GLG1: variants seen among roughly 807,000 people sequenced by gnomAD.
GLG1 encodes the protein Golgi apparatus protein 1.
A neutral mutation model predicts 160.5 loss-of-function variants in GLG1; 38 were observed. That is an observed-to-expected ratio of 0.24 (90% confidence interval 0.18 to 0.31). The LOEUF (loss-of-function observed/expected upper bound fraction) is 0.31, where lower values mean the gene tolerates loss of function less well. Among genes scored for constraint, GLG1 ranks in the 10% least tolerant of loss-of-function variants. The pLI, the probability that GLG1 is intolerant of heterozygous loss-of-function variation, is 1.00. For missense variants in GLG1, 1,373 were observed against 1,505.2 expected, an observed-to-expected ratio of 0.91 and a Z score of 1.45; for synonymous variants, 644 against 543.4, an observed-to-expected ratio of 1.19 and a Z score of -2.57.
chr16:74,524,790 T>C (rs2017285123), intron 2 of GLG1, among the ~76,000 whole-genome samples: 1 of 152,182 alleles, frequency 6.6e-6, no homozygotes, highest in African/African-American at 2.4e-5. Context: ...TCAGAGGTTA[T>C]GGTTGTACAA....
chr16:74,595,915 G>A (rs963460471), intron 1 of GLG1, among the ~76,000 whole-genome samples: 2 of 152,108 alleles, frequency 1.3e-5, no homozygotes, highest in African/African-American at 2.4e-5. Flanking sequence ...CCTGAGGTCA[G>A]GAGTTCGAGA....
At chr16:74,577,737 A>C (rs1250963331) in intron 1 of GLG1, among the ~76,000 whole-genome samples, 1 of 152,002 alleles carries the variant, frequency 6.6e-6, no homozygotes, top group Non-Finnish European at 1.5e-5. Flanking sequence ...CAGCCTCCTG[A>C]GTAACTGGGA....
intron 1 of GLG1, among the ~76,000 whole-genome samples, chr16:74,585,423 G>A (rs1023320358): frequency 6.6e-6 from 1 of 151,712 alleles, no homozygotes; most frequent in Non-Finnish European, 1.5e-5. Context: ...AAACAAAAAA[G>A]AGGCCGGGCC....
intron 21 of GLG1, 76 bp from the exon 22 acceptor site, chr16:74,462,271 A>C (rs979190808): frequency 6.6e-5 from 57 of 863,316 alleles, no homozygotes; most frequent in South Asian, 1.8e-4. Flanking sequence ...CATGAAAAAA[A>C]AAACAAACAA....
intron 2 of GLG1, among the ~76,000 whole-genome samples, chr16:74,518,373 T>C (rs530162432): frequency 1.1e-4 from 16 of 152,238 alleles, no homozygotes; most frequent in African/African-American, 3.9e-4. Flanking sequence ...TGGAACAGAA[T>C]GGAGTCCTCA....
intron 1 of GLG1, among the ~76,000 whole-genome samples, chr16:74,538,708 G>A (rs2017750928): frequency 6.8e-6 from 1 of 147,176 alleles, no homozygotes; most frequent in Non-Finnish European, 1.5e-5. Flanking sequence ...TACTGTACAG[G>A]TCCAACGGGA....
intron 11 of GLG1, among the ~76,000 whole-genome samples, chr16:74,479,140 A>G (rs1240602507): frequency 7.5e-6 from 1 of 132,564 alleles, no homozygotes; most frequent in African/African-American, 2.9e-5. Context: ...CAGGAGAATC[A>G]CTTGAGCCAG....
chr16:74,489,501 C>T (rs1412751934), intron 8 of GLG1, among the ~76,000 whole-genome samples: 3 of 151,924 alleles, frequency 2.0e-5, no homozygotes, highest in East Asian at 1.9e-4. Context: ...TCATTCCTAA[C>T]CCCCGCCACA....
chr16:74,593,335 T>C (rs1473793803), intron 1 of GLG1, among the ~76,000 whole-genome samples: 2 of 152,078 alleles, frequency 1.3e-5, no homozygotes, highest in Non-Finnish European at 2.9e-5. Flanking sequence ...ATTACAGAGC[T>C]GATATGGCCA....
At chr16:74,459,824 C>G (rs753734450) in intron 22 of GLG1, 35 bp from the exon 23 acceptor site, 1 of 1,045,644 alleles carries the variant, frequency 9.6e-7, no homozygotes, top group Admixed American at 2.2e-5. Flanking sequence ...AGCTACCCCA[C>G]TGAGCACAGA....
At chr16:74,515,699 T>C (rs1848680543) in intron 2 of GLG1, among the ~76,000 whole-genome samples, 1 of 151,816 alleles carries the variant, frequency 6.6e-6, no homozygotes, top group Non-Finnish European at 1.5e-5. Flanking sequence ...ACTTAAAGTA[T>C]AATTTTAAAA....
At chr16:74,566,359 A>G (rs950934551) in intron 1 of GLG1, among the ~76,000 whole-genome samples, 5 of 152,194 alleles carry the variant, frequency 3.3e-5, no homozygotes, top group African/African-American at 1.2e-4. Context: ...ATTTAACAGA[A>G]TTTATTTTTG....
intron 1 of GLG1, among the ~76,000 whole-genome samples, chr16:74,586,955 A>G (rs1958067130): frequency 6.6e-6 from 1 of 152,082 alleles, no homozygotes; most frequent in Non-Finnish European, 1.5e-5. Flanking sequence ...TCAGCCTACC[A>G]AAGTGCTGAG....
chr16:74,574,114 C>G (rs2018919022), intron 1 of GLG1, among the ~76,000 whole-genome samples: 1 of 152,186 alleles, frequency 6.6e-6, no homozygotes, highest in Admixed American at 6.6e-5. Flanking sequence ...CAAAGTAGCT[C>G]AGCCTAAAGA....
chr16:74,590,025 G>T (rs980009309), intron 1 of GLG1, among the ~76,000 whole-genome samples: 1 of 151,802 alleles, frequency 6.6e-6, no homozygotes, highest in Admixed American at 6.6e-5. Flanking sequence ...TTTTGAGATG[G>T]AGTCTAGCTC....
chr16:74,591,700 T>C (rs1958189339), intron 1 of GLG1, among the ~76,000 whole-genome samples: 1 of 152,200 alleles, frequency 6.6e-6, no homozygotes. Flanking sequence ...TTAGTATTTA[T>C]ATCTTAGTAT....
intron 1 of GLG1, among the ~76,000 whole-genome samples, chr16:74,590,839 C>A (rs1334662715): frequency 1.3e-5 from 2 of 149,390 alleles, no homozygotes; most frequent in Non-Finnish European, 3.0e-5. Flanking sequence ...GCATCACCAC[C>A]ACCAGACACA....
chr16:74,510,889 T>C (rs1165848483), intron 2 of GLG1, among the ~76,000 whole-genome samples: 1 of 151,792 alleles, frequency 6.6e-6, no homozygotes, highest in African/African-American at 2.4e-5. Context: ...TGGGGAGGGA[T>C]GGGGAGTTTG....
chr16:74,536,494 G>A (rs1184703379), intron 1 of GLG1, among the ~76,000 whole-genome samples: 1 of 152,156 alleles, frequency 6.6e-6, no homozygotes, highest in Non-Finnish European at 1.5e-5. Context: ...CTAATCTCAA[G>A]TTGTTTACAA....
Sources: gnomAD v4.1 joint callset for allele counts (sites outside exome capture counted in the v4.1 genomes callset) on GRCh38, gnomAD v4.1.1 for gene constraint, MANE v1.5 for transcripts, NCBI Gene and HGNC (gene_info 2026-07-23, HGNC 2026-07-21) for gene names.